STXBP6: variants seen among roughly 807,000 people sequenced by gnomAD.
STXBP6 encodes syntaxin binding protein 6.
A neutral mutation model predicts 26.9 loss-of-function variants in STXBP6; 21 were observed. The observed-to-expected ratio is 0.78, with a 90% CI of 0.55 to 1.12. The LOEUF is 1.12. Among genes scored for constraint, STXBP6 ranks in the 50% most tolerant of loss-of-function variants. STXBP6 has a pLI of 0.00. For missense variants in STXBP6, 232 were observed against 257.9 expected, an observed-to-expected ratio of 0.90 and a Z score of 0.69; for synonymous variants, 97 against 92.6, an observed-to-expected ratio of 1.05 and a Z score of -0.27.
At chr14:24,960,686 T>C (rs17109371) in intron 2 of STXBP6, among the ~76,000 whole-genome samples, 26,171 of 152,116 alleles carry the variant, frequency 0.17, 2,383 homozygotes, top group African/African-American at 0.22. Context: ...GTCTGCACAT[T>C]TGGCCTTTAC....
At chr14:24,900,790 A>G (rs2071183331) in intron 2 of STXBP6, among the ~76,000 whole-genome samples, 1 of 152,254 alleles carries the variant, frequency 6.6e-6, no homozygotes, top group Non-Finnish European at 1.5e-5. Flanking sequence ...CTCCCCATCC[A>G]GGACAGAAGC....
At position 24,917,733 on chromosome 14, in the gene STXBP6, CA is replaced by C. The variant is rs201639383; in HGVS notation, c.154+56931del. ...GACATGACACTAAAAACACAAAAGA[CA>C]AAAAAAAGATAAATTAAAATTCATC... On this transcript the variant is annotated intron_variant, in intron 2 of 5. Transcript: ENST00000323944. Among the ~76,000 whole-genome samples the C allele has an allele frequency of 6.3e-4, 95 of 151,402 alleles. No individual in the cohort carries two copies. In the East Asian group the frequency reaches 0.014, roughly 22 times the overall value.
chr14:25,018,121 A>G (rs559031113), intron 1 of STXBP6, among the ~76,000 whole-genome samples: 3 of 152,038 alleles, frequency 2.0e-5, no homozygotes, highest in East Asian at 1.9e-4. Context: ...TTCTATCACC[A>G]TTGTGTTGTA....
intron 2 of STXBP6, among the ~76,000 whole-genome samples, chr14:24,936,267 T>A (rs1389275128): frequency 6.6e-6 from 1 of 151,978 alleles, no homozygotes; most frequent in Non-Finnish European, 1.5e-5. Context: ...TCCTCACATA[T>A]GGATCACAGG....
At chr14:24,817,889 T>C (rs854398) in intron 5 of STXBP6, 363,523 of 365,128 alleles carry the variant, frequency 1, 180,987 homozygotes, top group East Asian at 1. Context: ...ATGAATGAGA[T>C]GACAAGACAG....
intron 2 of STXBP6, among the ~76,000 whole-genome samples, chr14:24,867,236 T>C (rs894878433): frequency 1.3e-5 from 2 of 152,180 alleles, no homozygotes; most frequent in Non-Finnish European, 2.9e-5. Flanking sequence ...CTCTGGAGGA[T>C]GCAGCATCAA....
At chr14:24,882,358 G>A (rs1445299147) in intron 2 of STXBP6, among the ~76,000 whole-genome samples, 3 of 100,002 alleles carry the variant, frequency 3.0e-5, no homozygotes, top group South Asian at 3.9e-4. Flanking sequence ...CAGCCTGGGC[G>A]ACAGAGCGAG....
At chr14:24,990,611 T>G (rs1258629283) in intron 1 of STXBP6, among the ~76,000 whole-genome samples, 4 of 133,286 alleles carry the variant, frequency 3.0e-5, no homozygotes, top group African/African-American at 9.1e-5. Flanking sequence ...TGAGTCGAGA[T>G]CATGCCATTG....
intron 2 of STXBP6, among the ~76,000 whole-genome samples, chr14:24,937,977 A>C (rs4983036): frequency 0.78 from 118,063 of 152,162 alleles, 45,877 homozygotes; most frequent in South Asian, 0.8. Context: ...GCAAATGCAG[A>C]AACGTGTTGA....
At chr14:25,046,813 T>C (rs1010602539) in intron 1 of STXBP6, among the ~76,000 whole-genome samples, 1 of 152,112 alleles carries the variant, frequency 6.6e-6, no homozygotes, top group African/African-American at 2.4e-5. Context: ...TAGGTCCCAA[T>C]AGTGCTTCAT....
intron 2 of STXBP6, among the ~76,000 whole-genome samples, chr14:24,955,813 T>C (rs972667475): frequency 1.3e-5 from 2 of 152,160 alleles, no homozygotes; most frequent in African/African-American, 2.4e-5. Context: ...TTCCCTGCAA[T>C]AGCACCTACT....
chr14:24,874,730 G>C (rs1164946686), intron 2 of STXBP6, among the ~76,000 whole-genome samples: 1 of 152,200 alleles, frequency 6.6e-6, no homozygotes, highest in African/African-American at 2.4e-5. Flanking sequence ...ATTTATGTGA[G>C]AATCCATAAC....
chr14:25,011,032 T>C (rs2075016491), intron 1 of STXBP6, among the ~76,000 whole-genome samples: 1 of 152,202 alleles, frequency 6.6e-6, no homozygotes, highest in African/African-American at 2.4e-5. Context: ...TTAAATCAGA[T>C]ATTGAGACCG....
chr14:24,937,475 CT>C (rs1284510261), intron 2 of STXBP6, among the ~76,000 whole-genome samples: 1 of 152,160 alleles, frequency 6.6e-6, no homozygotes, highest in Non-Finnish European at 1.5e-5. Context: ...CTCAACCTGT[CT>C]TAACTGAAGT....
In STXBP6 at chr14:24,898,133, A is replaced by G. The variant is rs116372431; in HGVS notation, c.155-40976T>C. 1.6e-3 allele frequency among the ~76,000 whole-genome samples: 243 copies of G among 152,326 alleles called. 2 individuals are homozygous for G. Among genetic ancestry groups the G allele is most frequent in the African/African-American group, 5.5e-3 (228 of 41,572 alleles). On this transcript the variant is annotated intron_variant, in intron 2 of 5. Transcript: ENST00000323944. ...CAGATGAGGAAACTGAGGGTAGAGGAAAAATGTTCTTTGCTAGAGACCTCA... is the reference window on the plus strand; with the variant it reads ...CAGATGAGGAAACTGAGGGTAGAGGGAAAATGTTCTTTGCTAGAGACCTCA...
chr14:25,039,245 C>T (rs1364921089), intron 1 of STXBP6, among the ~76,000 whole-genome samples: 1 of 152,092 alleles, frequency 6.6e-6, no homozygotes, highest in Admixed American at 6.5e-5. Flanking sequence ...GGGTTAATAG[C>T]ATAGATTCTT....
chr14:24,985,937 G>C (rs1457690925), intron 1 of STXBP6, among the ~76,000 whole-genome samples: 1 of 152,184 alleles, frequency 6.6e-6, no homozygotes, highest in Non-Finnish European at 1.5e-5. Context: ...CACAACAGAA[G>C]AGTAGCAAAA....
chr14:25,014,315 T>C (rs1021043024), intron 1 of STXBP6, among the ~76,000 whole-genome samples: 2 of 152,012 alleles, frequency 1.3e-5, no homozygotes, highest in Non-Finnish European at 2.9e-5. Flanking sequence ...GCCAACATGG[T>C]GTAACCCCTT....
At chr14:25,022,233 G>T (rs147890365) in intron 1 of STXBP6, among the ~76,000 whole-genome samples, 9 of 152,284 alleles carry the variant, frequency 5.9e-5, no homozygotes, top group African/African-American at 2.2e-4. Flanking sequence ...TTCTTTAACT[G>T]GATTCCACTT....
Sources: allele counts gnomAD v4.1 joint callset (sites outside exome capture counted in the v4.1 genomes callset), GRCh38; gene constraint gnomAD v4.1.1; transcripts MANE v1.5; gene names NCBI Gene and HGNC (gene_info 2026-07-23, HGNC 2026-07-21).